The following RBFOX1 variants were observed in gnomAD, a reference collection of about 807,000 sequenced individuals.
The protein encoded by RBFOX1 is RNA binding protein fox-1 homolog 1.
RBFOX1 carries 8 observed loss-of-function variants against 57.7 expected under a neutral mutation model. The observed-to-expected ratio is 0.14, with a 90% CI of 0.08 to 0.25. The LOEUF is 0.25. RBFOX1 is among the 10% of genes least tolerant of loss of function. The pLI, the probability that RBFOX1 is intolerant of heterozygous loss-of-function variation, is 1.00. For synonymous variants in RBFOX1, 326 were observed against 222.4 expected (o/e 1.47, Z -4.15); for missense variants, 611 against 548.5 (o/e 1.11, Z -1.14).
chr16:5,605,471 TAGG>T (rs937209572), intron 3 of RBFOX1, among the ~76,000 whole-genome samples: 1 of 151,822 alleles, frequency 6.6e-6, no homozygotes, highest in African/African-American at 2.4e-5. Flanking sequence ...TGATGAGTAA[TAGG>T]AGGGGACAGT....
At chr16:6,202,397 AG>A (rs1197999891) in intron 1 of RBFOX1, among the ~76,000 whole-genome samples, 1 of 152,188 alleles carries the variant, frequency 6.6e-6, no homozygotes, top group African/African-American at 2.4e-5. Context: ...GCAGCTTTAA[AG>A]GTGCTTTGAG....
rs386384138 is a variant in RBFOX1 at position 7,315,457 on chromosome 16, C to CCCA, written c.28-202688_28-202687insACC. On this transcript the variant is annotated intron_variant, in intron 4 of 15. Transcript: ENST00000550418. ...ATGATTAAAGCCCTACTCTACCCTACCCCCCCCCCCATACTGGGGGCTTGA... is the reference window on the plus strand; with the variant it reads ...ATGATTAAAGCCCTACTCTACCCTACCCACCCCCCCCCCATACTGGGGGCTTGA... Among the ~76,000 whole-genome samples, 49 of 61,240 alleles carry CCCA rather than the reference C, an allele frequency of 8.0e-4. 1 individual carries two copies. The highest frequency in any genetic ancestry group is 6.0e-3 in the African/African-American group (47 of 7,862). 40.2% of individuals were successfully genotyped at this position (61,240 alleles called of 152,430 possible). A position where few individuals can be genotyped will look rare whatever the true frequency, so the allele number is the denominator to read the frequency against.
At chr16:5,841,220 A>G (rs2056614859) in intron 3 of RBFOX1, among the ~76,000 whole-genome samples, 1 of 152,224 alleles carries the variant, frequency 6.6e-6, no homozygotes, top group Non-Finnish European at 1.5e-5. Flanking sequence ...AGTGTCATGG[A>G]TGAAGAAACG....
rs921956560 is a variant in RBFOX1, at chr16:7,656,938, T to G, written c.890+2991T>G. On this transcript the variant is annotated intron_variant, in intron 12 of 15. Transcript: ENST00000550418. Reference sequence around the variant, plus strand: ...TTCCTAAATTGCCACAGTGAAATCTTATCCTGTGACCCCTCCTCCACCCAC... The same window carrying G: ...TTCCTAAATTGCCACAGTGAAATCTGATCCTGTGACCCCTCCTCCACCCAC... 5.3e-5 allele frequency among the ~76,000 whole-genome samples: 8 copies of G among 152,248 alleles called. 1 individual carries two copies. Among genetic ancestry groups the G allele is most frequent in the Admixed American group, 6.5e-5 (1 of 15,288 alleles).
chr16:7,578,170 T>A (rs1406461145), intron 5 of RBFOX1, among the ~76,000 whole-genome samples: 1 of 152,242 alleles, frequency 6.6e-6, no homozygotes, highest in Non-Finnish European at 1.5e-5. Flanking sequence ...ATTTATTGAA[T>A]ACATACCAGG....
chr16:6,465,728 A>T (rs1324361818), intron 2 of RBFOX1, among the ~76,000 whole-genome samples: 1 of 151,732 alleles, frequency 6.6e-6, no homozygotes, highest in African/African-American at 2.4e-5. Flanking sequence ...AAAAGGGAAG[A>T]ATTGAGGAGT....
intron 1 of RBFOX1, among the ~76,000 whole-genome samples, chr16:5,275,027 A>C (rs985544625): frequency 6.6e-6 from 1 of 152,184 alleles, no homozygotes; most frequent in Non-Finnish European, 1.5e-5. Context: ...TAGGTTCTTC[A>C]TTTGAGGTTT....
At chr16:7,007,720 G>A (rs564380465) in intron 3 of RBFOX1, among the ~76,000 whole-genome samples, 5 of 152,240 alleles carry the variant, frequency 3.3e-5, no homozygotes, top group African/African-American at 1.2e-4. Flanking sequence ...TGACTATACA[G>A]GGTAAACTCC....
At chr16:7,064,641 A>C (rs1228095484) in intron 4 of RBFOX1, among the ~76,000 whole-genome samples, 1 of 152,156 alleles carries the variant, frequency 6.6e-6, no homozygotes, top group African/African-American at 2.4e-5. Context: ...GTGGGGAAGT[A>C]AATTTCTGTT....
chr16:6,088,803 G>C (rs940694113), intron 1 of RBFOX1, among the ~76,000 whole-genome samples: 2 of 152,074 alleles, frequency 1.3e-5, no homozygotes, highest in African/African-American at 4.8e-5. Context: ...TCCTCAAAAA[G>C]ATCTATGATC....
intron 1 of RBFOX1, among the ~76,000 whole-genome samples, chr16:6,220,949 C>T (rs972506420): frequency 4.6e-5 from 7 of 151,858 alleles, no homozygotes; most frequent in African/African-American, 1.7e-4. Flanking sequence ...CTATCAAATA[C>T]TTCACTCTGT....
At chr16:6,892,878 C>G (rs1239775145) in intron 3 of RBFOX1, among the ~76,000 whole-genome samples, 1 of 150,568 alleles carries the variant, frequency 6.6e-6, no homozygotes, top group Non-Finnish European at 1.5e-5. Flanking sequence ...ATTTCTGTCT[C>G]TGCTCATTTC....
intron 3 of RBFOX1, among the ~76,000 whole-genome samples, chr16:5,794,824 C>T (rs1405652368): frequency 1.3e-5 from 2 of 152,182 alleles, no homozygotes; most frequent in Non-Finnish European, 2.9e-5. Flanking sequence ...AGGCTAGTGG[C>T]ATCTCTTATG....
chr16:6,906,362 C>T (rs115244182), intron 3 of RBFOX1, among the ~76,000 whole-genome samples: 1 of 151,702 alleles, frequency 6.6e-6, no homozygotes, highest in African/African-American at 2.4e-5. Flanking sequence ...GTTGAAAACT[C>T]GGTAATAACA....
At chr16:7,171,114 C>A (rs2080606696) in intron 4 of RBFOX1, among the ~76,000 whole-genome samples, 1 of 152,208 alleles carries the variant, frequency 6.6e-6, no homozygotes, top group Non-Finnish European at 1.5e-5. Flanking sequence ...CAAACCCTCT[C>A]CCTATGTCTT....
chr16:5,561,027 T>C (rs555542433), intron 2 of RBFOX1, among the ~76,000 whole-genome samples: 2 of 152,310 alleles, frequency 1.3e-5, no homozygotes. Context: ...AAAAGGAATT[T>C]CCTAAAGATT....
chr16:5,449,012 C>G (rs1471638764), intron 1 of RBFOX1, among the ~76,000 whole-genome samples: 1 of 152,130 alleles, frequency 6.6e-6, no homozygotes, highest in East Asian at 1.9e-4. Context: ...GTGGCCAGGT[C>G]ACAGAGGTAT....
chr16:7,035,812 G>C (rs1288771660), intron 3 of RBFOX1, among the ~76,000 whole-genome samples: 1 of 152,030 alleles, frequency 6.6e-6, no homozygotes, highest in Non-Finnish European at 1.5e-5. Flanking sequence ...GGTTTTAAGA[G>C]TTCATTTTGT....
intron 11 of RBFOX1, among the ~76,000 whole-genome samples, chr16:7,636,032 A>G (rs1231956272): frequency 1.3e-5 from 2 of 152,128 alleles, no homozygotes; most frequent in East Asian, 3.9e-4. Flanking sequence ...GGATGATCTC[A>G]ATCTCCTGAC....
Sources: allele counts gnomAD v4.1 joint callset (sites outside exome capture counted in the v4.1 genomes callset), GRCh38; gene constraint gnomAD v4.1.1; transcripts MANE v1.5; gene names NCBI Gene and HGNC (gene_info 2026-07-23, HGNC 2026-07-21).